SPACA7: variants seen among roughly 807,000 people sequenced by gnomAD.
The protein encoded by SPACA7 is sperm acrosome-associated protein 7.
In SPACA7, 19 loss-of-function variants were observed where a neutral mutation model predicts 26.3. The ratio of observed to expected loss-of-function variants is 0.72; its 90% CI spans 0.50 to 1.06. The LOEUF (loss-of-function observed/expected upper bound fraction) is 1.06, where lower values mean the gene tolerates loss of function less well. Ranked by LOEUF, SPACA7 falls within the 50% of genes least tolerant of loss-of-function variation. The probability of loss-of-function intolerance (pLI) is 0.00; values close to 1 mark genes in which losing one functional copy is unlikely to be tolerated. For missense variants in SPACA7, 211 were observed against 229.9 expected (o/e 0.92, Z 0.53); for synonymous variants, 84 against 84.5 (o/e 0.99, Z 0.04).
At chr13:112,385,853 C>T (rs925418984) in intron 1 of SPACA7, among the ~76,000 whole-genome samples, 2 of 152,108 alleles carry the variant, frequency 1.3e-5, no homozygotes, top group Non-Finnish European at 2.9e-5. Context: ...AACAAGCATA[C>T]AACACATATA....
At chr13:112,418,081 G>C (rs1266970247) in intron 5 of SPACA7, among the ~76,000 whole-genome samples, 1 of 152,138 alleles carries the variant, frequency 6.6e-6, no homozygotes, top group African/African-American at 2.4e-5. Context: ...AAAGGACTTA[G>C]AAGATTCAAT....
chr13:112,429,315 G>T (rs963113402), intron 5 of SPACA7, among the ~76,000 whole-genome samples: 1 of 151,584 alleles, frequency 6.6e-6, no homozygotes, highest in African/African-American at 2.4e-5. Context: ...GGTCATGACT[G>T]CAGTGAGCCA....
chr13:112,416,649 C>T (rs1886710472), intron 5 of SPACA7, among the ~76,000 whole-genome samples: 1 of 152,212 alleles, frequency 6.6e-6, no homozygotes, highest in Non-Finnish European at 1.5e-5. Context: ...TTCAATTAGG[C>T]ATCAACATCA....
chr13:112,420,464 G>A (rs1480706442), intron 5 of SPACA7, among the ~76,000 whole-genome samples: 1 of 151,948 alleles, frequency 6.6e-6, no homozygotes, highest in Non-Finnish European at 1.5e-5. Context: ...AGTAGACAGT[G>A]CACAGCTAGG....
chr13:112,396,186 G>A (rs1257052784), intron 2 of SPACA7, among the ~76,000 whole-genome samples: 3 of 150,056 alleles, frequency 2.0e-5, no homozygotes, highest in Non-Finnish European at 3.0e-5. Context: ...AGTGGACTGG[G>A]TCACACTGGG....
chr13:112,393,130 G>T (rs998252890), intron 2 of SPACA7, 53 bp downstream of exon 2: 19 of 1,448,890 alleles, frequency 1.3e-5, no homozygotes, highest in African/African-American at 7.0e-5. Flanking sequence ...AGGGCTGGAT[G>T]GTTGTCTGTG....
chr13:112,420,577 G>A (rs1386224545), intron 5 of SPACA7, among the ~76,000 whole-genome samples: 5 of 152,068 alleles, frequency 3.3e-5, no homozygotes, highest in African/African-American at 1.2e-4. Flanking sequence ...AGAGTTATGG[G>A]TAAATACCTC....
chr13:112,433,571 C>T (rs1257304123), intron 6 of SPACA7, among the ~76,000 whole-genome samples: 1 of 151,618 alleles, frequency 6.6e-6, no homozygotes, highest in Non-Finnish European at 1.5e-5. Flanking sequence ...GGGAAGCCGG[C>T]CAGCTCGTCC....
intron 1 of SPACA7, among the ~76,000 whole-genome samples, chr13:112,391,702 A>G (rs1200404690): frequency 3.3e-5 from 5 of 152,230 alleles, no homozygotes; most frequent in Admixed American, 6.5e-5. Context: ...TTTACTCCAC[A>G]TGCTTACTGG....
At chr13:112,412,543 A>G (rs1886416399) in intron 5 of SPACA7, among the ~76,000 whole-genome samples, 1 of 152,042 alleles carries the variant, frequency 6.6e-6, no homozygotes, top group African/African-American at 2.4e-5. Context: ...CAGATGTTCT[A>G]AAGTGTTTTT....
At position 112,401,075 on chromosome 13, in the gene SPACA7, A is replaced by G. The variant is rs749823988; in HGVS notation, c.356A>G (p.Asn119Ser). The G allele has an allele frequency of 6.8e-6, 11 of 1,613,832 alleles. No homozygotes were observed. The highest frequency in any genetic ancestry group is 2.2e-5 in the East Asian group (1 of 44,886). ...TCCATATTTGTCATTAAAGAAGCCA[A>G]TGCTAATGCAAATCTCCATGGCGAT... ...IEVKISNDEANANANLHGDPS... is the reference protein window; with the variant it reads ...IEVKISNDEASANANLHGDPS... The change falls in exon 5 of 7, where the codon AAT becomes AGT. Residue 119 changes from asparagine (N) to serine (S), a missense_variant. By Grantham distance (46) the Asn-to-Ser change is conservative. Transcript: ENST00000283550.
intron 1 of SPACA7, among the ~76,000 whole-genome samples, chr13:112,387,348 G>A (rs909697795): frequency 6.6e-6 from 1 of 152,226 alleles, no homozygotes; most frequent in African/African-American, 2.4e-5. Flanking sequence ...CCACAGCAAA[G>A]TTTGTAACTG....
chr13:112,427,948 C>A (rs959935205), intron 5 of SPACA7, among the ~76,000 whole-genome samples: 13 of 152,214 alleles, frequency 8.5e-5, no homozygotes, highest in Non-Finnish European at 1.9e-4. Flanking sequence ...ATTTGAGGTT[C>A]ATCCATTTTA....
chr13:112,418,856 T>TA lies in SPACA7; in HGVS notation c.446-13580dup, dbSNP rs200800617. ...TTCTCTACCTCCACTTAGAATGCTG[T>TA]AAAAAAAATGTTACTGTCTAGCCAG... On this transcript the variant is annotated intron_variant, in intron 5 of 6. Transcript: ENST00000283550. 6.5e-3 allele frequency among the ~76,000 whole-genome samples: 992 copies of TA among 151,710 alleles called. 11 individuals carry two copies. The highest frequency in any genetic ancestry group is 0.022 in the African/African-American group (920 of 41,386).
chr13:112,420,105 AAAG>A (rs1345606390), intron 5 of SPACA7, among the ~76,000 whole-genome samples: 1 of 152,232 alleles, frequency 6.6e-6, no homozygotes, highest in Non-Finnish European at 1.5e-5. Flanking sequence ...TGGCATGACG[AAAG>A]AAGAGGTGTG....
intron 5 of SPACA7, among the ~76,000 whole-genome samples, chr13:112,406,112 C>A (rs1014495402): frequency 1.3e-5 from 2 of 152,054 alleles, no homozygotes; most frequent in Non-Finnish European, 2.9e-5. Flanking sequence ...CATAATTTGC[C>A]ATGGTAACCA....
At chr13:112,384,628 C>T (rs79374114) in intron 1 of SPACA7, among the ~76,000 whole-genome samples, 13 of 152,144 alleles carry the variant, frequency 8.5e-5, no homozygotes, top group Non-Finnish European at 1.9e-4. Flanking sequence ...AATAGAATCC[C>T]ATGTCATTAT....
chr13:112,424,444 T>G (rs1037479938), intron 5 of SPACA7, among the ~76,000 whole-genome samples: 1 of 152,294 alleles, frequency 6.6e-6, no homozygotes. Flanking sequence ...GATGATCTAC[T>G]CGAATGAGCT....
intron 5 of SPACA7, among the ~76,000 whole-genome samples, chr13:112,416,682 A>G (rs1886712210): frequency 6.6e-6 from 1 of 152,078 alleles, no homozygotes; most frequent in African/African-American, 2.4e-5. Flanking sequence ...TTTCCTCTTC[A>G]TCTCCCTTAT....
Sources: allele counts gnomAD v4.1 joint callset (sites outside exome capture counted in the v4.1 genomes callset), GRCh38; gene constraint gnomAD v4.1.1; transcripts MANE v1.5; gene names NCBI Gene and HGNC (gene_info 2026-07-23, HGNC 2026-07-21).